Variants in AIFM3 observed in about 807,000 individuals in gnomAD.
The protein encoded by AIFM3 is apoptosis-inducing factor 3.
AIFM3 carries 71 observed loss-of-function variants against 82.7 expected under a neutral mutation model. The observed-to-expected ratio is 0.86, with a 90% CI of 0.71 to 1.05. AIFM3 has a LOEUF of 1.05. Ranked by LOEUF, AIFM3 falls within the 50% of genes least tolerant of loss-of-function variation. The probability of loss-of-function intolerance (pLI) is 0.00; values close to 1 mark genes in which losing one functional copy is unlikely to be tolerated. For missense variants in AIFM3, 748 were observed against 816.7 expected, an observed-to-expected ratio of 0.92 and a Z score of 1.03; for synonymous variants, 337 against 329.1, an observed-to-expected ratio of 1.02 and a Z score of -0.26.
chr22:20,980,941 T>G, intron 20 of AIFM3, 51 bp from the exon 21 acceptor site: 2 of 1,613,736 alleles, frequency 1.2e-6, no homozygotes, highest in Non-Finnish European at 1.7e-6. Context: ...GTGCCCAGAG[T>G]GGAGAGCCTG....
Position 20,974,750 on chromosome 22 carries a change from C to T in AIFM3, c.654C>T (p.Phe218=). The T allele has an allele frequency of 6.2e-7, 1 of 1,613,846 alleles. No homozygotes were observed. Among genetic ancestry groups the T allele is most frequent in the South Asian group, 1.1e-5 (1 of 91,072 alleles). Residue 218 remains phenylalanine, a synonymous_variant, in exon 8 of 21, where the codon TTC becomes TTT. Coordinates refer to ENST00000440238, the MANE Select transcript of AIFM3 (RefSeq NM_001386814.1). ...CAGAGACACTGCGGCAGGAGGGCTT[C>T]TCCGACCGGATCGTCCTGTGCACGC... ...VCAETLRQEG[F]SDRIVLCTLD...
rs752829011 is a variant in AIFM3, at chr22:20,979,330, C to T, written c.1537C>T (p.Leu513Phe). ...QEAEMSTVPY[L>F]WTAMFGKSLR... ...GGCGGAGATGAGCACTGTGCCCTAC[C>T]TCTGGACCGCCATGTTTGGCAAGAG... Residue 513 changes from leucine (L) to phenylalanine (F), a missense_variant, in exon 17 of 21, where the codon CTC becomes TTC. Around this residue, in one of 5 missense-constraint regions of AIFM3, gnomAD observed 183 missense variants for 158.2 expected, o/e 1.16. Transcript: ENST00000440238. The T allele has an allele frequency of 7.1e-6, 11 of 1,559,666 alleles. No individual in the cohort carries two copies. The highest frequency in any genetic ancestry group is 2.4e-5 in the South Asian group (2 of 84,690).
intron 16 of AIFM3, among the ~76,000 whole-genome samples, chr22:20,978,915 A>G (rs1923868790): frequency 6.6e-6 from 1 of 151,862 alleles, no homozygotes; most frequent in Non-Finnish European, 1.5e-5. Context: ...TTCCCTGTGT[A>G]CTTGTGCCCC....
In AIFM3 at chr22:20,976,642, C is replaced by T. The variant is rs1923692248; in HGVS notation, c.1031-9C>T. 2.5e-6 allele frequency: 4 copies of T among 1,611,094 alleles called. No homozygotes were observed. In the South Asian group the frequency reaches 3.3e-5, roughly 13 times the overall value. On this transcript the variant is annotated splice_polypyrimidine_tract_variant and intron_variant, in intron 11 of 20. Transcript: ENST00000440238. ...AGGTGCCAGCCTGCCACCCCCTGCC[C>T]ATCACCAGGGATGGAGGTGGCCGCT...
intron 1 of AIFM3, 22 bp from the exon 2 acceptor site, chr22:20,967,783 A>C (rs1307434593): frequency 5.6e-6 from 4 of 708,840 alleles, no homozygotes; most frequent in African/African-American, 1.8e-5. Context: ...CCCGGTCCTG[A>C]TGGCTCCAGT....
intron 5 of AIFM3, 39 bp downstream of exon 5, chr22:20,974,211 G>A (rs750396495): frequency 1.9e-6 from 3 of 1,613,572 alleles, no homozygotes; most frequent in Non-Finnish European, 2.5e-6. Flanking sequence ...ACCTGGGGGT[G>A]TGGGGTTCGG....
rs762401225 is a variant in AIFM3, at chr22:20,978,025, A to T, written c.1477+20A>T. 1.2e-6 allele frequency: 2 copies of T among 1,611,686 alleles called. No homozygotes were observed. Among genetic ancestry groups the T allele is most frequent in the Non-Finnish European group, 1.7e-6 (2 of 1,177,874 alleles). On this transcript the variant is annotated intron_variant, in intron 16 of 20. Coordinates refer to ENST00000440238, the MANE Select transcript of AIFM3 (RefSeq NM_001386814.1). Reference sequence around the variant, plus strand: ...CTCAGGGTATGGCCAGTCCCGAGGCACATGGAGGGGTGGGAGGGAGTCTCA... The same window carrying T: ...CTCAGGGTATGGCCAGTCCCGAGGCTCATGGAGGGGTGGGAGGGAGTCTCA...
rs145590314 is a variant in AIFM3, at chr22:20,972,387, A to G, written c.32-920A>G. Among the ~76,000 whole-genome samples the G allele has an allele frequency of 4.2e-3, 603 of 143,824 alleles. 16 individuals are homozygous for G. The East Asian group carries it at 0.062, about 15-fold the overall frequency. The allele number at this position is 143,824 out of a possible 152,430, so 94.4% of individuals were successfully genotyped here. A position where few individuals can be genotyped will look rare whatever the true frequency, so the allele number is the denominator to read the frequency against. On this transcript the variant is annotated intron_variant, in intron 2 of 20. Transcript: ENST00000440238. ...ATTGCACTCCAGCCTGGGCAACAAC[A>G]GCGAAACTCCATCTCAAAAAAAAAA...
chr22:20,971,145 G>C (rs1273335023), intron 2 of AIFM3, among the ~76,000 whole-genome samples: 3 of 152,190 alleles, frequency 2.0e-5, no homozygotes, highest in Non-Finnish European at 4.4e-5. Flanking sequence ...GCATTATCTG[G>C]CCCCCCTGCC....
At chr22:20,968,107 T>C (rs1294737724) in intron 2 of AIFM3, 132 bp downstream of exon 2, 50 of 935,906 alleles carry the variant, frequency 5.3e-5, no homozygotes, top group Non-Finnish European at 7.9e-5. Context: ...CCGCTCGGAA[T>C]GTTAATACGC....
chr22:20,977,797 T>C (rs1443666869), intron 15 of AIFM3, 21 bp downstream of exon 15: 1 of 1,613,946 alleles, frequency 6.2e-7, no homozygotes, highest in South Asian at 1.1e-5. Flanking sequence ...TGGCACTGGG[T>C]GGGGAGGACC....
In AIFM3 at chr22:20,979,631, C is replaced by T. The variant is rs141235166; in HGVS notation, c.1581C>T (p.Tyr527=). The change falls in exon 18 of 21, where the codon TAC becomes TAT. Residue 527 remains tyrosine, a synonymous_variant. Coordinates refer to ENST00000440238, the MANE Select transcript of AIFM3 (RefSeq NM_001386814.1). ...MFGKSLRYAG[Y]GEGFDDVIIQ... The stretch of plus-strand genomic sequence containing the variant: ...ACCCACCTGCCCGGCCCACAGGCTA[C>T]GGAGAAGGCTTCGACGACGTCATCA... The T allele has an allele frequency of 5.3e-5, 86 of 1,614,156 alleles. No individual in the cohort carries two copies. The highest frequency in any genetic ancestry group is 2.8e-4 in the Admixed American group (17 of 60,028).
chr22:20,979,256 C>T lies in AIFM3; in HGVS notation c.1478-15C>T, dbSNP rs1443263629. Reference sequence around the variant, plus strand: ...AGAGCGAGAGTTAGGGTTCTCACGGCCCTGGGTCCCGCAGGGCGCGTGGCA... The same window carrying T: ...AGAGCGAGAGTTAGGGTTCTCACGGTCCTGGGTCCCGCAGGGCGCGTGGCA... On this transcript the variant is annotated splice_polypyrimidine_tract_variant and intron_variant, in intron 16 of 20. Coordinates refer to ENST00000440238, the MANE Select transcript of AIFM3 (RefSeq NM_001386814.1). 1.3e-6 allele frequency: 2 copies of T among 1,552,220 alleles called. No homozygotes were observed. The highest frequency in any genetic ancestry group is 2.4e-5 in the South Asian group (2 of 84,122).
At chr22:20,969,822 C>T (rs992778239) in intron 2 of AIFM3, among the ~76,000 whole-genome samples, 18 of 152,080 alleles carry the variant, frequency 1.2e-4, no homozygotes, top group Non-Finnish European at 1.9e-4. Context: ...AGGGAATTTC[C>T]AGATATGGGA....
intron 2 of AIFM3, among the ~76,000 whole-genome samples, chr22:20,968,407 C>G (rs1042983970): frequency 6.6e-6 from 1 of 152,146 alleles, no homozygotes; most frequent in African/African-American, 2.4e-5. Flanking sequence ...GAGGGCCTGG[C>G]CACCCTGACC....
At chr22:20,979,132 T>G in intron 16 of AIFM3, 139 bp from the exon 17 acceptor site, 1 of 855,082 alleles carries the variant, frequency 1.2e-6, no homozygotes. Flanking sequence ...AGCAGTGGGC[T>G]GAACAATGAT....
chr22:20,979,426 G>C, intron 17 of AIFM3, 57 bp downstream of exon 17: 1 of 1,489,794 alleles, frequency 6.7e-7, no homozygotes, highest in Non-Finnish European at 9.1e-7. Flanking sequence ...GCGGGGCTTG[G>C]GTGTGGGGCG....
chr22:20,976,149 C>A (rs897657891), intron 9 of AIFM3, 66 bp from the exon 10 acceptor site: 2 of 1,545,122 alleles, frequency 1.3e-6, no homozygotes, highest in African/African-American at 2.7e-5. Flanking sequence ...TACTGCAGGA[C>A]CGGGGAGTGG....
At chr22:20,979,510 A>C in intron 17 of AIFM3, 117 bp from the exon 18 acceptor site, 1 of 1,479,078 alleles carries the variant, frequency 6.8e-7, no homozygotes, top group Non-Finnish European at 9.4e-7. Flanking sequence ...CGGCAAGGCT[A>C]CGAACTACCT....
Sources: gnomAD v4.1 joint callset for allele counts (sites outside exome capture counted in the v4.1 genomes callset) on GRCh38, gnomAD v4.1.1 for gene constraint, gnomAD v4.1.1 regional missense constraint, MANE v1.5 for transcripts, NCBI Gene and HGNC (gene_info 2026-07-23, HGNC 2026-07-21) for gene names.